The following ANK2 variants were observed in gnomAD, a reference collection of about 807,000 sequenced individuals.
The protein encoded by ANK2 is ankyrin-2.
Under a neutral mutation model 360.5 loss-of-function variants are expected in ANK2, and 83 were observed. The ratio of observed to expected loss-of-function variants is 0.23; its 90% CI spans 0.19 to 0.28. The LOEUF is 0.28. Among genes scored for constraint, ANK2 ranks in the 10% least tolerant of loss-of-function variants. ANK2 has a pLI of 1.00. For missense variants in ANK2, 4,201 were observed against 4,795.7 expected, an observed-to-expected ratio of 0.88 and a Z score of 3.66; for synonymous variants, 1,740 against 1,759.5, an observed-to-expected ratio of 0.99 and a Z score of 0.28.
chr4:113,043,242 A>G (rs1304990881), intron 2 of ANK2, among the ~76,000 whole-genome samples: 10 of 152,152 alleles, frequency 6.6e-5, no homozygotes, highest in East Asian at 1.9e-4. Context: ...TGCCTGGCCC[A>G]TGATCCTCAC....
intron 8 of ANK2, 50 bp from the exon 9 acceptor site, chr4:113,242,061 T>C (rs1466562686): frequency 6.8e-7 from 1 of 1,473,490 alleles, no homozygotes; most frequent in Non-Finnish European, 9.5e-7. Context: ...GGCATCGCCA[T>C]CATGCCCTGT....
the ANK2 span, among the ~76,000 whole-genome samples, chr4:112,743,269 T>G: frequency 1.3e-5 from 2 of 152,160 alleles, no homozygotes; most frequent in Admixed American, 1.3e-4. Flanking sequence ...CTGAATAACT[T>G]GCCTTGTTCA....
At chr4:112,857,249 A>T (rs1310820508) in intron 1 of ANK2, among the ~76,000 whole-genome samples, 1 of 152,202 alleles carries the variant, frequency 6.6e-6, no homozygotes, top group Non-Finnish European at 1.5e-5. Flanking sequence ...AAGACAATTA[A>T]CAATAGCCAT....
chr4:113,068,475 C>T (rs2076378920), intron 1 of ANK2, among the ~76,000 whole-genome samples: 1 of 152,062 alleles, frequency 6.6e-6, no homozygotes, highest in Non-Finnish European at 1.5e-5. Context: ...AACTTTAAAA[C>T]ATATAATGAA....
chr4:113,041,713 A>G (rs768647682), intron 2 of ANK2, among the ~76,000 whole-genome samples: 10 of 152,274 alleles, frequency 6.6e-5, no homozygotes, highest in East Asian at 5.8e-4. Context: ...ACAGAATACT[A>G]TAGACTGGGT....
intron 1 of ANK2, among the ~76,000 whole-genome samples, chr4:112,828,226 T>C (rs984993633): frequency 1.0e-4 from 14 of 140,062 alleles, no homozygotes; most frequent in African/African-American, 3.8e-4. Context: ...CAAGATGAAT[T>C]ACGGACTTTT....
At chr4:112,789,931 C>T in the ANK2 span, among the ~76,000 whole-genome samples, 4 of 152,298 alleles carry the variant, frequency 2.6e-5, no homozygotes, top group African/African-American at 9.6e-5. Flanking sequence ...AAACCAAAAA[C>T]ATACACACCA....
At chr4:113,299,697 C>T (rs7690626) in intron 22 of ANK2, among the ~76,000 whole-genome samples, 8,010 of 138,834 alleles carry the variant, frequency 0.058, 724 homozygotes, top group African/African-American at 0.2. Flanking sequence ...AAGAGTGAAA[C>T]GACATCTCAA....
chr4:113,195,104 TA>T (rs1170211666), intron 2 of ANK2, among the ~76,000 whole-genome samples: 1 of 152,136 alleles, frequency 6.6e-6, no homozygotes, highest in Non-Finnish European at 1.5e-5. Flanking sequence ...CTCTGAACTA[TA>T]AATCTGATCA....
At chr4:113,209,053 A>C (rs1562901973) in intron 4 of ANK2, among the ~76,000 whole-genome samples, 1 of 151,988 alleles carries the variant, frequency 6.6e-6, no homozygotes, top group Non-Finnish European at 1.5e-5. Flanking sequence ...GAGAAAAGGA[A>C]TACAAATGGA....
chr4:113,043,780 C>T (rs2063555680), intron 2 of ANK2, among the ~76,000 whole-genome samples: 1 of 152,108 alleles, frequency 6.6e-6, no homozygotes, highest in Non-Finnish European at 1.5e-5. Context: ...GGGAGACTAC[C>T]ATGGTCAGAA....
At chr4:113,234,125 T>C (rs1441706735) in intron 5 of ANK2, among the ~76,000 whole-genome samples, 2 of 152,244 alleles carry the variant, frequency 1.3e-5, no homozygotes, top group African/African-American at 4.8e-5. Context: ...AGGTTTCTAG[T>C]GTAGGATTTA....
chr4:112,810,157 ATATTTTTTT>A, the ANK2 span, among the ~76,000 whole-genome samples: 253 of 23,500 alleles, frequency 0.011, no homozygotes, highest in East Asian at 0.13. Flanking sequence ...ATATATATAT[ATATTTTTTT>A]TTTTTTTTTT....
intron 45 of ANK2, among the ~76,000 whole-genome samples, chr4:113,374,087 C>A (rs2096841139): frequency 6.6e-6 from 1 of 152,136 alleles, no homozygotes; most frequent in African/African-American, 2.4e-5. Context: ...CCACACCTGG[C>A]TAATTTTTGT....
chr4:113,013,582 G>A (rs2055519286), intron 2 of ANK2, among the ~76,000 whole-genome samples: 1 of 152,124 alleles, frequency 6.6e-6, no homozygotes, highest in African/African-American at 2.4e-5. Flanking sequence ...TTAACATCTT[G>A]TTGCAAACAT....
In ANK2 at chr4:113,348,259, C is replaced by T. The variant is rs1173258007; in HGVS notation, c.4372-17C>T. 1 of 1,612,882 alleles carries T rather than the reference C, an allele frequency of 6.2e-7. No individual in the cohort carries two copies. Among genetic ancestry groups the T allele is most frequent in the Non-Finnish European group, 8.5e-7 (1 of 1,179,180 alleles). ...TCTCTCTTTTTTCCATCTTGCATGGCATCTTGGGGCGGAAAGGAATCAGAG... is the reference window on the plus strand; with the variant it reads ...TCTCTCTTTTTTCCATCTTGCATGGTATCTTGGGGCGGAAAGGAATCAGAG... On this transcript the variant is annotated splice_polypyrimidine_tract_variant and intron_variant, in intron 35 of 45. Coordinates refer to ENST00000357077, the MANE Select transcript of ANK2 (RefSeq NM_001148.6).
chr4:112,942,931 A>T (rs532056485), intron 2 of ANK2, among the ~76,000 whole-genome samples: 1 of 152,196 alleles, frequency 6.6e-6, no homozygotes, highest in Non-Finnish European at 1.5e-5. Context: ...AAGTATTATC[A>T]ACATGAAGAA....
chr4:113,208,608 C>A (rs912843782), intron 4 of ANK2, among the ~76,000 whole-genome samples: 4 of 151,894 alleles, frequency 2.6e-5, no homozygotes, highest in Admixed American at 2.6e-4. Context: ...CTCAAGCAAC[C>A]CTCCTACCTC....
At chr4:113,117,536 TC>T (rs1344970940) in intron 1 of ANK2, 28 of 393,978 alleles carry the variant, frequency 7.1e-5, no homozygotes, top group African/African-American at 5.6e-4. Context: ...ATTTCTAAGC[TC>T]AGTTTGCAGC....
Sources: gnomAD v4.1 joint callset for allele counts (sites outside exome capture counted in the v4.1 genomes callset) on GRCh38, gnomAD v4.1.1 for gene constraint, MANE v1.5 for transcripts, NCBI Gene and HGNC (gene_info 2026-07-23, HGNC 2026-07-21) for gene names.